Variants in PATL2 observed in about 807,000 individuals in gnomAD.
PATL2 encodes the protein PAT1 homolog 2.
PATL2 carries 73 observed loss-of-function variants against 77.0 expected under a neutral mutation model. The ratio of observed to expected loss-of-function variants is 0.95; its 90% confidence interval spans 0.78 to 1.15. The LOEUF (loss-of-function observed/expected upper bound fraction) is 1.15, where lower values mean the gene tolerates loss of function less well. PATL2 is among the 50% of genes most tolerant of loss of function. The pLI, the probability that PATL2 is intolerant of heterozygous loss-of-function variation, is 0.00. For missense variants in PATL2, 618 were observed against 655.4 expected, an observed-to-expected ratio of 0.94 and a Z score of 0.62; for synonymous variants, 265 against 257.1, an observed-to-expected ratio of 1.03 and a Z score of -0.29.
At chr15:44,676,402 CAT>C (rs2085956094) in intron 4 of PATL2, 71 bp downstream of exon 4, 5 of 1,302,898 alleles carry the variant, frequency 3.8e-6, no homozygotes, top group Non-Finnish European at 5.4e-6. Flanking sequence ...CATCCAATCC[CAT>C]ATGTGAAACA....
intron 3 of PATL2, among the ~76,000 whole-genome samples, chr15:44,686,231 A>G (rs909825610): frequency 1.3e-5 from 2 of 152,228 alleles, no homozygotes; most frequent in Admixed American, 1.3e-4. Context: ...GTGCAATCAA[A>G]TTAGAACTCA....
chr15:44,709,624 A>G (rs2086810590), intron 3 of PATL2, among the ~76,000 whole-genome samples: 1 of 152,250 alleles, frequency 6.6e-6, no homozygotes, highest in South Asian at 2.1e-4. Context: ...ATAGTTGTAT[A>G]CATAATTTTC....
At chr15:44,673,640 A>G (rs75579700) in intron 6 of PATL2, among the ~76,000 whole-genome samples, 2 of 152,072 alleles carry the variant, frequency 1.3e-5, no homozygotes, top group African/African-American at 4.8e-5. Flanking sequence ...TGGAAAGTCA[A>G]CACTTCTCAC....
At chr15:44,709,401 G>A (rs548043302) in intron 3 of PATL2, among the ~76,000 whole-genome samples, 3 of 152,180 alleles carry the variant, frequency 2.0e-5, no homozygotes, top group Admixed American at 6.5e-5. Flanking sequence ...CATATTTGTG[G>A]CTGGGCGTGG....
chr15:44,669,854 G>A lies in PATL2; in HGVS notation c.799C>T (p.Leu267=). ...CATGTCGACACAGCTACCTGGCCCA[G>A]GGAACCCTCGATTCGGACCACTGCA... The part of the protein sequence containing the change: ...YESVVRIEGS[L]GQVAVSTCFS... Residue 267 remains leucine, a synonymous_variant, in exon 11 of 18, where the codon CTG becomes TTG. Coordinates refer to ENST00000682850, the MANE Select transcript of PATL2 (RefSeq NM_001387263.1). 1 of 1,551,566 alleles carries A rather than the reference G, an allele frequency of 6.4e-7. No individual in the cohort carries two copies. Among genetic ancestry groups the A allele is most frequent in the Middle Eastern group, 1.7e-4 (1 of 5,992 alleles).
chr15:44,676,882 T>C (rs2141216232), intron 3 of PATL2: 1 of 1,078,940 alleles, frequency 9.3e-7, no homozygotes, highest in South Asian at 2.7e-5. Flanking sequence ...ACTGTTGCTG[T>C]CCTTTCTGTT....
intron 6 of PATL2, 139 bp from the exon 7 acceptor site, chr15:44,673,516 A>G: frequency 8.6e-7 from 1 of 1,162,012 alleles, no homozygotes; most frequent in Admixed American, 2.4e-5. Flanking sequence ...TGAGTCCCTC[A>G]AGGCAGCTTT....
chr15:44,691,023 A>G (rs1043137397), intron 3 of PATL2, among the ~76,000 whole-genome samples: 1 of 151,456 alleles, frequency 6.6e-6, no homozygotes, highest in Non-Finnish European at 1.5e-5. Context: ...TAATTTAAAT[A>G]ATAATTTAAA....
chr15:44,694,463 C>G (rs1363068118), intron 3 of PATL2, among the ~76,000 whole-genome samples: 1 of 152,134 alleles, frequency 6.6e-6, no homozygotes, highest in African/African-American at 2.4e-5. Context: ...CTCTCTCTCA[C>G]TAGAGAGAGC....
intron 3 of PATL2, among the ~76,000 whole-genome samples, chr15:44,690,359 G>A (rs1195751709): frequency 6.8e-6 from 1 of 147,774 alleles, no homozygotes. Context: ...TTTTTTTTGA[G>A]ACTGGGTCTC....
chr15:44,700,948 C>T (rs2086615897), intron 3 of PATL2, among the ~76,000 whole-genome samples: 3 of 151,988 alleles, frequency 2.0e-5, no homozygotes, highest in Admixed American at 2.0e-4. Flanking sequence ...CCTTCTATGT[C>T]CAGTTTTTGG....
At position 44,672,442 on chromosome 15, in the gene PATL2, A is replaced by T. The variant is rs1184977392; in HGVS notation, c.461T>A (p.Leu154His). The T allele has an allele frequency of 2.6e-6, 4 of 1,551,514 alleles. No individual in the cohort carries two copies. The highest frequency in any genetic ancestry group is 2.6e-6 in the Non-Finnish European group (3 of 1,146,938). ...WPPRFSHLTQ[L>H]HPRHQRILQQ... is the part of the protein sequence containing the mutation. ...CAAGATTCGTTGGTGCCGAGGGTGG[A>T]GCTGGGTCAGATGACTGGGAAGACA... Residue 154 changes from leucine to histidine, a missense_variant, in exon 8 of 18, where the codon CTC (leucine) becomes CAC (histidine). By Grantham distance (99) the Leu-to-His change is moderately conservative. Coordinates refer to ENST00000682850, the MANE Select transcript of PATL2 (RefSeq NM_001387263.1).
In PATL2 at chr15:44,673,299, G is replaced by A. The variant is rs552168219; in HGVS notation, c.382C>T (p.Arg128Trp). The A allele has an allele frequency of 3.7e-5, 58 of 1,551,622 alleles. No individual in the cohort carries two copies. In the South Asian group the frequency reaches 6.1e-4, roughly 16 times the overall value. ...AGAGTTGGGTCTGGTGAGGGCAGCCGAGGTCCAAAGTGCTGTGCTGGAGAG... is the reference window on the plus strand; with the variant it reads ...AGAGTTGGGTCTGGTGAGGGCAGCCAAGGTCCAAAGTGCTGTGCTGGAGAG... Reference protein sequence around the residue: ...TSSPAQHFGPRLPSPDPTLFC... With the variant: ...TSSPAQHFGPWLPSPDPTLFC... Residue 128 changes from arginine (R) to tryptophan (W), a missense_variant, in exon 7 of 18, where the codon CGG becomes TGG. Coordinates refer to ENST00000682850, the MANE Select transcript of PATL2 (RefSeq NM_001387263.1).
At chr15:44,690,324 C>T (rs2086361745) in intron 3 of PATL2, among the ~76,000 whole-genome samples, 1 of 151,086 alleles carries the variant, frequency 6.6e-6, no homozygotes, top group African/African-American at 2.4e-5. Flanking sequence ...TATAAAACCA[C>T]AAATAAAGTC....
chr15:44,708,969 G>A (rs903384575), intron 3 of PATL2, among the ~76,000 whole-genome samples: 2 of 152,134 alleles, frequency 1.3e-5, no homozygotes, highest in African/African-American at 4.8e-5. Context: ...TGCAATCTCG[G>A]CTCATTGCAA....
intron 3 of PATL2, among the ~76,000 whole-genome samples, chr15:44,679,518 G>A (rs141105591): frequency 0.046 from 6,839 of 148,988 alleles, 475 homozygotes; most frequent in African/African-American, 0.15. Context: ...GTGAGCCACC[G>A]TGCCTGGCCA....
chr15:44,670,363 T>C (rs781043224), intron 9 of PATL2, among the ~76,000 whole-genome samples: 2 of 152,094 alleles, frequency 1.3e-5, no homozygotes, highest in Non-Finnish European at 2.9e-5. Context: ...CCAGCTAATT[T>C]TTGTATTTTT....
chr15:44,674,287 A>G (rs2085841009), intron 5 of PATL2, 57 bp from the exon 6 acceptor site: 2 of 1,315,166 alleles, frequency 1.5e-6, no homozygotes, highest in Non-Finnish European at 2.1e-6. Flanking sequence ...TGTCTTCTGC[A>G]TTCACCTGTG....
intron 3 of PATL2, among the ~76,000 whole-genome samples, chr15:44,690,433 G>A (rs2086365205): frequency 6.6e-6 from 1 of 151,650 alleles, no homozygotes; most frequent in Non-Finnish European, 1.5e-5. Flanking sequence ...CCACCTCCTG[G>A]GCTCAAGTGA....
Sources: allele counts gnomAD v4.1 joint callset (sites outside exome capture counted in the v4.1 genomes callset), GRCh38; gene constraint gnomAD v4.1.1; transcripts MANE v1.5; gene names NCBI Gene and HGNC (gene_info 2026-07-23, HGNC 2026-07-21).